PRKCB: variants seen among roughly 807,000 people sequenced by gnomAD.
The protein encoded by PRKCB is protein kinase C beta type.
A neutral mutation model predicts 81.5 loss-of-function variants in PRKCB; 13 were observed. That is an observed-to-expected ratio of 0.16 (90% CI 0.10 to 0.25). The LOEUF (loss-of-function observed/expected upper bound fraction) is 0.25. Ranked by LOEUF, PRKCB falls within the 10% of genes least tolerant of loss-of-function variation. The pLI is 1.00. For missense variants in PRKCB, 509 were observed against 875.7 expected (o/e 0.58, Z 5.29); for synonymous variants, 335 against 321.4 (o/e 1.04, Z -0.45).
chr16:23,896,129 C>G (rs1412372859), intron 2 of PRKCB, among the ~76,000 whole-genome samples: 1 of 145,338 alleles, frequency 6.9e-6, no homozygotes, highest in Admixed American at 6.8e-5. Flanking sequence ...CTTCTTTCTT[C>G]TCCCAATCCA....
intron 2 of PRKCB, among the ~76,000 whole-genome samples, chr16:23,981,429 A>G (rs1467530693): frequency 1.3e-5 from 2 of 152,008 alleles, no homozygotes; most frequent in African/African-American, 4.8e-5. Context: ...ACATCTGCAA[A>G]ATCAATTTTG....
intron 2 of PRKCB, among the ~76,000 whole-genome samples, chr16:23,842,214 T>C (rs905847267): frequency 6.6e-6 from 1 of 152,192 alleles, no homozygotes; most frequent in Non-Finnish European, 1.5e-5. Flanking sequence ...GCTTACTCCC[T>C]GTGTGACCTT....
intron 2 of PRKCB, among the ~76,000 whole-genome samples, chr16:23,898,506 G>A (rs1286973379): frequency 6.6e-6 from 1 of 152,042 alleles, no homozygotes; most frequent in Non-Finnish European, 1.5e-5. Flanking sequence ...AATTACACAG[G>A]TAATAATACA....
At chr16:23,993,645 G>T (rs570966840) in intron 3 of PRKCB, among the ~76,000 whole-genome samples, 4 of 152,270 alleles carry the variant, frequency 2.6e-5, no homozygotes, top group South Asian at 2.1e-4. Context: ...CCTTACTATG[G>T]GAACCACAGC....
At chr16:24,212,402 TAA>T (rs35650101) in intron 16 of PRKCB, among the ~76,000 whole-genome samples, 2,134 of 97,146 alleles carry the variant, frequency 0.022, 41 homozygotes, top group African/African-American at 0.029. Flanking sequence ...TTCTGTGCTT[TAA>T]AAAAAAAAAA....
chr16:24,121,090 G>C (rs1323684564), intron 8 of PRKCB, among the ~76,000 whole-genome samples: 1 of 152,186 alleles, frequency 6.6e-6, no homozygotes, highest in South Asian at 2.1e-4. Context: ...TCAACACTTT[G>C]TCTGCCTCCT....
intron 8 of PRKCB, among the ~76,000 whole-genome samples, chr16:24,118,756 G>A (rs911895153): frequency 6.6e-6 from 1 of 152,190 alleles, no homozygotes; most frequent in Non-Finnish European, 1.5e-5. Flanking sequence ...GTTTCTGAAA[G>A]CACATCCCAC....
At chr16:24,029,925 G>C (rs550341742) in intron 3 of PRKCB, among the ~76,000 whole-genome samples, 2 of 152,240 alleles carry the variant, frequency 1.3e-5, no homozygotes, top group South Asian at 4.1e-4. Flanking sequence ...GAGAGAGAGG[G>C]TCTTGCTCTC....
intron 2 of PRKCB, among the ~76,000 whole-genome samples, chr16:23,867,296 A>G (rs1021660494): frequency 6.6e-6 from 1 of 151,396 alleles, no homozygotes; most frequent in African/African-American, 2.4e-5. Flanking sequence ...TTTTTTTTGT[A>G]TTTTTAGTAG....
intron 5 of PRKCB, among the ~76,000 whole-genome samples, chr16:24,076,829 A>G (rs746855837): frequency 6.6e-6 from 1 of 152,210 alleles, no homozygotes; most frequent in Non-Finnish European, 1.5e-5. Context: ...AGGCAGAGGC[A>G]TAGGGTGGGG....
chr16:24,170,047 G>A (rs1302617548), intron 10 of PRKCB, among the ~76,000 whole-genome samples: 1 of 152,182 alleles, frequency 6.6e-6, no homozygotes, highest in Non-Finnish European at 1.5e-5. Flanking sequence ...CTCCCAAAGT[G>A]CTGGGATTAC....
At chr16:24,021,072 C>CTTCTTTCT (rs1555491074) in intron 3 of PRKCB, among the ~76,000 whole-genome samples, 6,116 of 94,486 alleles carry the variant, frequency 0.065, 479 homozygotes, top group African/African-American at 0.1. Context: ...CCCTCCCTCC[C>CTTCTTTCT]TTCTTTCTTT....
At chr16:24,007,053 A>G (rs1259655773) in intron 3 of PRKCB, among the ~76,000 whole-genome samples, 1 of 152,238 alleles carries the variant, frequency 6.6e-6, no homozygotes, top group Non-Finnish European at 1.5e-5. Context: ...CAATATGTAT[A>G]AAAGCTCTGA....
chr16:24,119,056 A>T (rs1596556348), intron 8 of PRKCB, among the ~76,000 whole-genome samples: 1 of 152,022 alleles, frequency 6.6e-6, no homozygotes, highest in African/African-American at 2.4e-5. Context: ...AATTTTCAAC[A>T]GTTGGCAACT....
At chr16:24,025,599 A>G (rs766168007) in intron 3 of PRKCB, among the ~76,000 whole-genome samples, 1 of 152,242 alleles carries the variant, frequency 6.6e-6, no homozygotes, top group Non-Finnish European at 1.5e-5. Context: ...GCGTGCATTT[A>G]TAAGTCAGTG....
intron 8 of PRKCB, among the ~76,000 whole-genome samples, chr16:24,119,449 C>T (rs2283540): frequency 0.32 from 48,624 of 151,870 alleles, 8,644 homozygotes; most frequent in East Asian, 0.71. Context: ...TGCTGGGACC[C>T]GCAGGTGGAT....
At chr16:24,075,431 T>C (rs1204316806) in intron 5 of PRKCB, among the ~76,000 whole-genome samples, 1 of 152,126 alleles carries the variant, frequency 6.6e-6, no homozygotes, top group African/African-American at 2.4e-5. Flanking sequence ...GCTAGGATTT[T>C]TAAGGGTTTT....
At chr16:23,982,221 C>T (rs193044048) in intron 2 of PRKCB, among the ~76,000 whole-genome samples, 19 of 20,978 alleles carry the variant, frequency 9.1e-4, no homozygotes, top group Non-Finnish European at 1.2e-3. Flanking sequence ...CCCTTCCCTT[C>T]GCCTTCCCTT....
chr16:24,147,543 G>T (rs1967013757), intron 9 of PRKCB, among the ~76,000 whole-genome samples: 1 of 152,138 alleles, frequency 6.6e-6, no homozygotes, highest in African/African-American at 2.4e-5. Flanking sequence ...GGTTGTATAA[G>T]AAATAGAAAA....
Sources: allele counts gnomAD v4.1 joint callset (sites outside exome capture counted in the v4.1 genomes callset), GRCh38; gene constraint gnomAD v4.1.1; transcripts MANE v1.5; gene names NCBI Gene and HGNC (gene_info 2026-07-23, HGNC 2026-07-21).